VPS13C: variants seen among roughly 807,000 people sequenced by gnomAD.
The protein encoded by VPS13C is vacuolar protein sorting 13 homolog C.
In VPS13C, 358 loss-of-function variants were observed where a neutral mutation model predicts 456.8. The observed-to-expected ratio is 0.78, with a 90% CI of 0.72 to 0.86. VPS13C has a LOEUF of 0.86. Ranked by LOEUF, VPS13C falls within the 40% of genes least tolerant of loss-of-function variation. The pLI is 0.00. For synonymous variants in VPS13C, 1,578 were observed against 1,486.7 expected, an observed-to-expected ratio of 1.06 and a Z score of -1.41; for missense variants, 4,818 against 4,385.4, an observed-to-expected ratio of 1.10 and a Z score of -2.79.
chr15:61,982,407 G>A (rs2045914152), intron 21 of VPS13C, 52 bp downstream of exon 21: 1 of 1,415,742 alleles, frequency 7.1e-7, no homozygotes, highest in Non-Finnish European at 9.7e-7. Context: ...CATTAGAGTA[G>A]GCAAAATTTT....
rs943633123 is a variant in VPS13C, at chr15:61,854,363, T to C, written c.*94A>G. ...CAGAAAACTAAAACTAAAGGATTGC[T>C]TGAAAAATTGTCTTTAGCAAGATAA... On this transcript the variant is annotated 3_prime_UTR_variant, in exon 85 of 85. Transcript: ENST00000644861. 21 of 1,182,216 alleles carry C rather than the reference T, an allele frequency of 1.8e-5. No homozygotes were observed. The highest frequency in any genetic ancestry group is 3.8e-4 in the Middle Eastern group (2 of 5,246). The allele number at this position is 1,182,216 out of a possible 1,614,324, so 73.2% of individuals were successfully genotyped here.
chr15:61,959,609 A>T lies in VPS13C; in HGVS notation c.3909-14T>A. Reference sequence around the variant, plus strand: ...TGGATCACTGTCCTACGAAAAACAGAAATGTTACATAATGCATAGATATAG... The same window carrying T: ...TGGATCACTGTCCTACGAAAAACAGTAATGTTACATAATGCATAGATATAG... On this transcript the variant is annotated splice_polypyrimidine_tract_variant and intron_variant, in intron 35 of 84. Coordinates refer to ENST00000644861, the MANE Select transcript of VPS13C (RefSeq NM_020821.3). 1 of 1,607,832 alleles carries T rather than the reference A, an allele frequency of 6.2e-7. No homozygotes were observed. The highest frequency in any genetic ancestry group is 8.5e-7 in the Non-Finnish European group (1 of 1,176,108).
At chr15:61,949,631 C>T (rs780447366) in intron 41 of VPS13C, 26 bp from the exon 42 acceptor site, 1 of 1,576,592 alleles carries the variant, frequency 6.3e-7, no homozygotes, top group East Asian at 2.3e-5. Context: ...ATTAAAGAGG[C>T]AGATTTCAGA....
Position 61,941,909 on chromosome 15 carries a change from C to T in VPS13C, c.5307G>A (p.Gln1769=). Reference sequence around the variant, plus strand: ...TAACAGCATTAGGTGATACTGAAGACTGAGGAATAATAATAACTGGTGCTT... The same window carrying T: ...TAACAGCATTAGGTGATACTGAAGATTGAGGAATAATAATAACTGGTGCTT... The part of the protein sequence containing the change: ...NLKAPVIIIP[Q]SSVSPNAVIA... The change falls in exon 46 of 85, where the codon CAG becomes CAA. Residue 1769 remains glutamine, a synonymous_variant. Coordinates refer to ENST00000644861, the MANE Select transcript of VPS13C (RefSeq NM_020821.3). 1 of 1,613,996 alleles carries T rather than the reference C, an allele frequency of 6.2e-7. No individual in the cohort carries two copies.
chr15:61,919,262 G>A (rs926251492), intron 58 of VPS13C, 27 bp downstream of exon 58: 12 of 1,569,846 alleles, frequency 7.6e-6, no homozygotes, highest in African/African-American at 1.4e-5. Context: ...TACACTGAAA[G>A]GGATACAATT....
At chr15:61,937,345 C>T (rs976344788) in intron 47 of VPS13C, among the ~76,000 whole-genome samples, 8 of 152,170 alleles carry the variant, frequency 5.3e-5, no homozygotes, top group African/African-American at 1.7e-4. Context: ...TTATCTTTTA[C>T]CTTCATAAAA....
At position 62,035,083 on chromosome 15, in the gene VPS13C, T is replaced by C. The variant is rs1164029035; in HGVS notation, c.188-31A>G. 8.0e-6 allele frequency: 12 copies of C among 1,508,204 alleles called. 1 individual carries two copies. The allele number at this position is 1,508,204 out of a possible 1,614,324, so 93.4% of individuals were successfully genotyped here. On this transcript the variant is annotated intron_variant, in intron 3 of 84. Coordinates refer to ENST00000644861, the MANE Select transcript of VPS13C (RefSeq NM_020821.3). ...GAAACATAATTTCAACCTTAAATTATTATTTGACTGCTCAAGAACACAAAA... is the reference window on the plus strand; with the variant it reads ...GAAACATAATTTCAACCTTAAATTACTATTTGACTGCTCAAGAACACAAAA...
chr15:61,981,349 G>T lies in VPS13C; in HGVS notation c.2159C>A (p.Thr720Lys). ...KSDLLILDFGTFQLNSKDQGL... is the reference protein window; with the variant it reads ...KSDLLILDFGKFQLNSKDQGL... ...AAACGCATATATACCTACCTGAAATGTACCAAAATCTAAAATCAGAAGATC... is the reference window on the plus strand; with the variant it reads ...AAACGCATATATACCTACCTGAAATTTACCAAAATCTAAAATCAGAAGATC... Residue 720 changes from threonine to lysine, a missense_variant, in exon 22 of 85, where the codon ACA becomes AAA. Physicochemically the swap from Thr to Lys is moderately conservative, Grantham distance 78 (BLOSUM62 -1). Coordinates refer to ENST00000644861, the MANE Select transcript of VPS13C (RefSeq NM_020821.3). The T allele has an allele frequency of 6.2e-7, 1 of 1,608,616 alleles. No homozygotes were observed. The highest frequency in any genetic ancestry group is 2.2e-5 in the East Asian group (1 of 44,636).
Position 61,852,978 on chromosome 15 carries a change from T to C in VPS13C, c.*1479A>G, listed in dbSNP as rs1462881044. 6.6e-6 allele frequency: 1 copy of C among 152,178 alleles called. No individual in the cohort carries two copies. Among genetic ancestry groups the C allele is most frequent in the East Asian group, 1.9e-4 (1 of 5,196 alleles). The allele number at this position is 152,178 out of a possible 1,614,324, so 9.4% of individuals were successfully genotyped here. ...CCAAGCGTGTCCACATCTCCATGAA[T>C]TCAGTGATTTGAAATAAATGTTGTT... On this transcript the variant is annotated 3_prime_UTR_variant, in exon 85 of 85. Transcript: ENST00000644861.
At position 61,858,312 on chromosome 15, in the gene VPS13C, C is replaced by T. The variant is rs1476167386; in HGVS notation, c.10953-1903G>A. Among the ~76,000 whole-genome samples the T allele has an allele frequency of 1.4e-5, 2 of 142,046 alleles. No homozygotes were observed. The highest frequency in any genetic ancestry group is 2.4e-4 in the South Asian group (1 of 4,190). 93.2% of individuals were successfully genotyped at this position (142,046 alleles called of 152,430 possible). Reference sequence around the variant, plus strand: ...TCTCAACTCGAGATTTTTATCCAAACTCCAACTATCTATCTATCTATCTAT... The same window carrying T: ...TCTCAACTCGAGATTTTTATCCAAATTCCAACTATCTATCTATCTATCTAT... On this transcript the variant is annotated intron_variant, in intron 82 of 84. Transcript: ENST00000644861. The surrounding 1 kb of genome is among the most constrained non-coding windows in gnomAD (Gnocchi z 4.4).
At position 62,013,999 on chromosome 15, in the gene VPS13C, GAAA is replaced by G. The variant is rs1567110656; in HGVS notation, c.685-10_685-8del. 3 of 1,604,076 alleles carry G rather than the reference GAAA, an allele frequency of 1.9e-6. No individual in the cohort carries two copies. The Admixed American group carries it at 5.1e-5, about 27-fold the overall frequency. ...TCCAGTGTTCATTTGCAGTCTAAAA[GAAA>G]AAAGGGAATACCTGTGAAACGTGGT... On this transcript the variant is annotated splice_polypyrimidine_tract_variant and splice_region_variant and intron_variant, in intron 9 of 84. Coordinates refer to ENST00000644861, the MANE Select transcript of VPS13C (RefSeq NM_020821.3).
chr15:61,978,869 C>A, intron 22 of VPS13C, 120 bp from the exon 23 acceptor site: 1 of 890,794 alleles, frequency 1.1e-6, no homozygotes, highest in South Asian at 2.2e-5. Context: ...ATTGAAAATA[C>A]TGCTCTTAAT....
intron 66 of VPS13C, chr15:61,906,977 T>C: frequency 3.1e-6 from 1 of 322,758 alleles, no homozygotes. Flanking sequence ...AACTTAGTCT[T>C]ACAATTCCTT....
At chr15:62,044,733 A>G (rs953122007) in intron 1 of VPS13C, among the ~76,000 whole-genome samples, 1 of 152,146 alleles carries the variant, frequency 6.6e-6, no homozygotes, top group Non-Finnish European at 1.5e-5. Context: ...TGATTACTGT[A>G]TGTGCTTCTA....
At chr15:61,923,904 C>T (rs559907540) in intron 53 of VPS13C, among the ~76,000 whole-genome samples, 1 of 111,194 alleles carries the variant, frequency 9.0e-6, no homozygotes, top group Admixed American at 1.1e-4. Context: ...CTCGCTCTGT[C>T]GCCCAGGCTG....
intron 14 of VPS13C, among the ~76,000 whole-genome samples, chr15:62,008,313 T>A (rs1456376988): frequency 6.6e-6 from 1 of 151,834 alleles, no homozygotes; most frequent in Non-Finnish European, 1.5e-5. Context: ...AGCAGGAGAA[T>A]CGCTTGAACC....
At chr15:62,000,452 C>T in intron 16 of VPS13C, 112 bp downstream of exon 16, 1 of 977,148 alleles carries the variant, frequency 1.0e-6, no homozygotes, top group Non-Finnish European at 1.5e-6. Context: ...TCTCCTGAGA[C>T]TAAATTAAGC....
intron 48 of VPS13C, 40 bp downstream of exon 48, chr15:61,936,557 C>T: frequency 6.7e-7 from 1 of 1,490,458 alleles, no homozygotes; most frequent in Non-Finnish European, 8.9e-7. Flanking sequence ...GACATTAACA[C>T]CAATTTTTTC....
At chr15:61,968,018 G>C (rs890791853) in intron 28 of VPS13C, among the ~76,000 whole-genome samples, 1 of 151,796 alleles carries the variant, frequency 6.6e-6, no homozygotes, top group African/African-American at 2.4e-5. Context: ...TGACTTCCAA[G>C]GGCATAACCT....
Sources: gnomAD v4.1 joint callset for allele counts (sites outside exome capture counted in the v4.1 genomes callset) on GRCh38, gnomAD v4.1.1 for gene constraint, Gnocchi (gnomAD v3.1) non-coding constraint, MANE v1.5 for transcripts, NCBI Gene and HGNC (gene_info 2026-07-23, HGNC 2026-07-21) for gene names.